KAT6B: variants seen among roughly 807,000 people sequenced by gnomAD.
KAT6B encodes histone acetyltransferase KAT6B.
Under a neutral mutation model 187.5 loss-of-function variants are expected in KAT6B, and 10 were observed. That is an observed-to-expected ratio of 0.05 (90% confidence interval 0.03 to 0.09). The LOEUF (loss-of-function observed/expected upper bound fraction) is 0.09, where lower values mean the gene tolerates loss of function less well. Among genes scored for constraint, KAT6B ranks in the 10% least tolerant of loss-of-function variants. The pLI is 1.00. For synonymous variants in KAT6B, 861 were observed against 926.8 expected, an observed-to-expected ratio of 0.93 and a Z score of 1.29; for missense variants, 1,952 against 2,558.9, an observed-to-expected ratio of 0.76 and a Z score of 5.12.
At chr10:74,931,268 G>A (rs866742926) in intron 3 of KAT6B, among the ~76,000 whole-genome samples, 1 of 152,078 alleles carries the variant, frequency 6.6e-6, no homozygotes, top group Non-Finnish European at 1.5e-5. Flanking sequence ...GTGAATCTTT[G>A]CTCAAGTCCC....
In KAT6B at chr10:75,025,205, A is replaced by G. The variant is rs1845727377; in HGVS notation, c.3620A>G (p.Glu1207Gly). Residue 1207 changes from glutamate to glycine, a missense_variant, in exon 17 of 18, where the codon GAA becomes GGA. Around this residue, in one of 9 missense-constraint regions of KAT6B, gnomAD observed 758 missense variants for 891.4 expected, o/e 0.85. Coordinates refer to ENST00000287239, the MANE Select transcript of KAT6B (RefSeq NM_012330.4). The part of the protein sequence containing the change: ...PGKKRQTEEE[E>G]GKDNHCFKNA... ...AAGAAAAGACAAACAGAGGAAGAGG[A>G]AGGAAAAGACAATCATTGCTTCAAG... 1 of 1,614,106 alleles carries G rather than the reference A, an allele frequency of 6.2e-7. No individual in the cohort carries two copies. Among genetic ancestry groups the G allele is most frequent in the African/African-American group, 1.3e-5 (1 of 74,944 alleles).
At chr10:75,025,402 C>G in intron 17 of KAT6B, 153 bp downstream of exon 17, 1 of 694,964 alleles carries the variant, frequency 1.4e-6, no homozygotes, top group Non-Finnish European at 2.5e-6. Flanking sequence ...CCCATCCTTA[C>G]AAGCTTCTCT....
At chr10:74,947,030 T>TA (rs1334068143) in intron 3 of KAT6B, among the ~76,000 whole-genome samples, 1 of 152,138 alleles carries the variant, frequency 6.6e-6, no homozygotes, top group Non-Finnish European at 1.5e-5. Context: ...AGACGAGTCT[T>TA]ACTGTGTCGC....
At chr10:74,996,137 T>C (rs1843417884) in intron 13 of KAT6B, among the ~76,000 whole-genome samples, 1 of 152,000 alleles carries the variant, frequency 6.6e-6, no homozygotes, top group Admixed American at 6.6e-5. Context: ...ATGCGAAGAG[T>C]CATGTCCTTC....
At chr10:74,959,609 G>A (rs543052780) in intron 3 of KAT6B, among the ~76,000 whole-genome samples, 4 of 152,206 alleles carry the variant, frequency 2.6e-5, no homozygotes, top group African/African-American at 7.2e-5. Context: ...GGCCAACATG[G>A]TGAAACCCCA....
intron 7 of KAT6B, among the ~76,000 whole-genome samples, chr10:74,973,705 C>G (rs538366168): frequency 1.2e-4 from 19 of 152,200 alleles, no homozygotes; most frequent in African/African-American, 4.3e-4. Flanking sequence ...TTGCAAAAAC[C>G]CTTTAACCAG....
intron 13 of KAT6B, among the ~76,000 whole-genome samples, chr10:74,999,906 G>C (rs144568555): frequency 6.6e-6 from 1 of 152,234 alleles, no homozygotes; most frequent in Non-Finnish European, 1.5e-5. Context: ...TGGGCGTAGC[G>C]TCTCACGCCT....
chr10:74,873,906 G>A (rs16931793), intron 3 of KAT6B, among the ~76,000 whole-genome samples: 4,304 of 152,152 alleles, frequency 0.028, 152 homozygotes, highest in East Asian at 0.12. Flanking sequence ...ATCAGGTGCA[G>A]ACAGAAATTT....
chr10:74,830,750 A>ATATATATATATATATATGTG (rs1554912265), intron 1 of KAT6B, among the ~76,000 whole-genome samples: 1 of 20,724 alleles, frequency 4.8e-5, no homozygotes, highest in South Asian at 2.1e-3. Flanking sequence ...ATATATATAT[A>ATATATATATATATATATGTG]TATATATATA....
At chr10:75,009,425 G>A (rs1164759634) in intron 13 of KAT6B, among the ~76,000 whole-genome samples, 1 of 152,168 alleles carries the variant, frequency 6.6e-6, no homozygotes, top group Admixed American at 6.5e-5. Flanking sequence ...AGGTGGAATG[G>A]AGATTCTTTG....
At chr10:74,982,749 T>C (rs191082518) in intron 11 of KAT6B, 42 of 152,566 alleles carry the variant, frequency 2.8e-4, no homozygotes, top group African/African-American at 9.4e-4. Context: ...TGTGACCCAT[T>C]GTGGTGTGCA....
intron 3 of KAT6B, among the ~76,000 whole-genome samples, chr10:74,859,016 C>G (rs1257827987): frequency 6.6e-6 from 1 of 152,182 alleles, no homozygotes; most frequent in Non-Finnish European, 1.5e-5. Context: ...GGATTATAGG[C>G]ATAAGCCAGT....
In KAT6B at chr10:74,842,667, AC is replaced by A; in HGVS notation, c.-189del. 1.5e-6 allele frequency: 1 copy of A among 650,232 alleles called. No individual in the cohort carries two copies. The highest frequency in any genetic ancestry group is 2.7e-6 in the Non-Finnish European group (1 of 372,632). The allele number at this position is 650,232 out of a possible 1,614,324, so 40.3% of individuals were successfully genotyped here. A position where few individuals can be genotyped will look rare whatever the true frequency, so the allele number is the denominator to read the frequency against. On this transcript the variant is annotated 5_prime_UTR_variant, in exon 3 of 18. Coordinates refer to ENST00000287239, the MANE Select transcript of KAT6B (RefSeq NM_012330.4). ...TCTTTCCTGTTGGTAAAATAAGACA[AC>A]CATCAACATTGCCTGTTTGTCTGCT...
chr10:74,900,402 A>G (rs1461856931), intron 3 of KAT6B, among the ~76,000 whole-genome samples: 5 of 152,204 alleles, frequency 3.3e-5, no homozygotes, highest in Admixed American at 3.3e-4. Flanking sequence ...GTTTTTGTAC[A>G]TCTTGAGCTC....
intron 3 of KAT6B, among the ~76,000 whole-genome samples, chr10:74,866,186 A>G (rs952211271): frequency 8.6e-5 from 13 of 151,988 alleles, no homozygotes; most frequent in African/African-American, 2.7e-4. Context: ...TGGATTACAT[A>G]TTAAGGGAAC....
At chr10:74,890,884 G>T (rs1255476489) in intron 3 of KAT6B, among the ~76,000 whole-genome samples, 3 of 150,944 alleles carry the variant, frequency 2.0e-5, no homozygotes, top group African/African-American at 7.3e-5. Flanking sequence ...GTTTTTTTTT[G>T]GCATATAAAT....
At chr10:75,002,389 A>AC (rs397933655) in intron 13 of KAT6B, among the ~76,000 whole-genome samples, 1 of 150,810 alleles carries the variant, frequency 6.6e-6, no homozygotes, top group Admixed American at 6.6e-5. Context: ...AAAAAAAAAA[A>AC]CAACAACAAA....
At chr10:74,889,008 A>G (rs528810579) in intron 3 of KAT6B, among the ~76,000 whole-genome samples, 1 of 152,330 alleles carries the variant, frequency 6.6e-6, no homozygotes, top group Non-Finnish European at 1.5e-5. Flanking sequence ...CAGCGTATCT[A>G]ACAATTGGTG....
At chr10:74,835,980 C>G (rs1564895722) in intron 1 of KAT6B, among the ~76,000 whole-genome samples, 6 of 152,180 alleles carry the variant, frequency 3.9e-5, no homozygotes. Context: ...TAAGCAGTTT[C>G]TCTAGATATG....
Sources: allele counts gnomAD v4.1 joint callset (sites outside exome capture counted in the v4.1 genomes callset), GRCh38; gene constraint gnomAD v4.1.1; regional missense constraint gnomAD v4.1.1; transcripts MANE v1.5; gene names NCBI Gene and HGNC (gene_info 2026-07-23, HGNC 2026-07-21).